PDE11A: variants seen among roughly 807,000 people sequenced by gnomAD.
The protein encoded by PDE11A is dual 3',5'-cyclic-AMP and -GMP phosphodiesterase 11A.
Under a neutral mutation model 100.5 loss-of-function variants are expected in PDE11A, and 100 were observed. That is an observed-to-expected ratio of 1.00 (90% CI 0.85 to 1.18). PDE11A has a LOEUF of 1.18. Ranked by LOEUF, PDE11A falls within the 50% of genes most tolerant of loss-of-function variation. PDE11A has a pLI of 0.00. For synonymous variants in PDE11A, 381 were observed against 420.8 expected, an observed-to-expected ratio of 0.91 and a Z score of 1.16; for missense variants, 1,141 against 1,152.6, an observed-to-expected ratio of 0.99 and a Z score of 0.15.
intron 1 of PDE11A, among the ~76,000 whole-genome samples, chr2:178,028,253 G>A (rs570071842): frequency 2.0e-5 from 3 of 146,686 alleles, no homozygotes; most frequent in South Asian, 2.2e-4. Context: ...GCAAAGTGCC[G>A]AGAGTACCTG....
At chr2:177,979,523 A>T (rs1432110869) in intron 2 of PDE11A, among the ~76,000 whole-genome samples, 1 of 149,574 alleles carries the variant, frequency 6.7e-6, no homozygotes, top group East Asian at 1.9e-4. Context: ...TTTTCCTGGT[A>T]TGCAGCGTCT....
chr2:177,922,107 T>G (rs2085058837), intron 2 of PDE11A: 1 of 152,228 alleles, frequency 6.6e-6, no homozygotes, highest in Non-Finnish European at 1.5e-5. Flanking sequence ...GAGGCTTGAT[T>G]CTGAGACTTC....
chr2:177,951,887 G>A (rs2085508948), intron 2 of PDE11A, among the ~76,000 whole-genome samples: 1 of 152,140 alleles, frequency 6.6e-6, no homozygotes, highest in Admixed American at 6.5e-5. Flanking sequence ...CATTCTTAGA[G>A]GATTGTTTAG....
intron 16 of PDE11A, among the ~76,000 whole-genome samples, chr2:177,680,478 C>G (rs1574037599): frequency 6.6e-6 from 1 of 152,146 alleles, no homozygotes; most frequent in Non-Finnish European, 1.5e-5. Flanking sequence ...TCCCCACTTC[C>G]TTTGTGCTAT....
chr2:177,841,687 T>G (rs1310828361), intron 5 of PDE11A, among the ~76,000 whole-genome samples: 2 of 152,244 alleles, frequency 1.3e-5, no homozygotes, highest in Admixed American at 6.5e-5. Flanking sequence ...AAATTCAGCA[T>G]GTATTTGTAA....
chr2:178,020,927 GTGTGTGTGTGTGTGTGTGT>G (rs1559044535), intron 1 of PDE11A, among the ~76,000 whole-genome samples: 1 of 19,292 alleles, frequency 5.2e-5, no homozygotes, highest in Non-Finnish European at 7.9e-5. Flanking sequence ...TTGTCTTGGT[GTGTGTGTGTGTGTGTGTGT>G]GTGTGTGTGT....
intron 2 of PDE11A, among the ~76,000 whole-genome samples, chr2:177,943,204 A>T (rs1325257230): frequency 6.6e-6 from 1 of 152,226 alleles, no homozygotes. Flanking sequence ...TATCTCTTCA[A>T]GACCCTGCAT....
At chr2:178,032,943 C>A (rs1333165875) in intron 1 of PDE11A, among the ~76,000 whole-genome samples, 2 of 152,092 alleles carry the variant, frequency 1.3e-5, no homozygotes, top group Admixed American at 1.3e-4. Context: ...GAGAAAAAAA[C>A]AGTGCAAAAA....
intron 6 of PDE11A, among the ~76,000 whole-genome samples, chr2:177,821,134 G>T (rs1044388539): frequency 6.6e-6 from 1 of 151,886 alleles, no homozygotes; most frequent in Non-Finnish European, 1.5e-5. Flanking sequence ...TTGAAGGCAA[G>T]AGCCACATAT....
chr2:177,629,583 A>T (rs757896926), intron 19 of PDE11A, 21 bp from the exon 20 acceptor site: 16 of 1,613,414 alleles, frequency 9.9e-6, no homozygotes, highest in Non-Finnish European at 1.4e-5. Context: ...ACAAAACAAA[A>T]CACAGGTGGA....
At chr2:177,738,898 G>A (rs571068916) in intron 10 of PDE11A, among the ~76,000 whole-genome samples, 3 of 152,348 alleles carry the variant, frequency 2.0e-5, no homozygotes, top group African/African-American at 4.8e-5. Flanking sequence ...ACCAGGGTTC[G>A]TAAACTAATA....
At chr2:177,759,645 A>T (rs1220833689) in intron 10 of PDE11A, among the ~76,000 whole-genome samples, 1 of 152,198 alleles carries the variant, frequency 6.6e-6, no homozygotes, top group Non-Finnish European at 1.5e-5. Flanking sequence ...TCAGACTGTA[A>T]GGAAGACAGG....
intron 10 of PDE11A, among the ~76,000 whole-genome samples, chr2:177,764,083 A>G (rs2082207413): frequency 6.6e-6 from 1 of 152,224 alleles, no homozygotes; most frequent in Non-Finnish European, 1.5e-5. Flanking sequence ...TAAGCCTAGT[A>G]AATCACATCC....
intron 12 of PDE11A, among the ~76,000 whole-genome samples, chr2:177,724,397 C>T (rs1359424027): frequency 6.6e-6 from 1 of 151,756 alleles, no homozygotes; most frequent in African/African-American, 2.4e-5. Context: ...TTGCAAAACA[C>T]AATGCTGAGT....
At chr2:177,931,630 C>T (rs1398627213) in intron 2 of PDE11A, among the ~76,000 whole-genome samples, 1 of 152,092 alleles carries the variant, frequency 6.6e-6, no homozygotes, top group African/African-American at 2.4e-5. Context: ...ATACCCAAAT[C>T]TCTGAGATGC....
intron 9 of PDE11A, among the ~76,000 whole-genome samples, chr2:177,796,007 T>C (rs907740656): frequency 2.1e-5 from 3 of 141,090 alleles, no homozygotes; most frequent in Admixed American, 7.3e-5. Context: ...ATGGGGCTTA[T>C]GATCTAGAGT....
intron 9 of PDE11A, among the ~76,000 whole-genome samples, chr2:177,810,228 T>C (rs1240209123): frequency 2.0e-5 from 3 of 152,212 alleles, no homozygotes; most frequent in Admixed American, 6.6e-5. Flanking sequence ...TCCAGAATGT[T>C]GTCATGGCAG....
chr2:177,931,444 A>G (rs774326786), intron 2 of PDE11A, among the ~76,000 whole-genome samples: 3 of 152,220 alleles, frequency 2.0e-5, no homozygotes, highest in African/African-American at 4.8e-5. Context: ...ATCATGAAAA[A>G]CCATACTCCT....
At chr2:177,642,024 CAGGTCTCTGACTCCAGAGCCCAA>C in intron 19 of PDE11A, among the ~76,000 whole-genome samples, 1 of 152,174 alleles carries the variant, frequency 6.6e-6, no homozygotes, top group Non-Finnish European at 1.5e-5. Context: ...GGTTTGGTCC[CAGGTCTCTGACTCCAGAGCCCAA>C]GTTAGTAACC....
Sources: gnomAD v4.1 joint callset for allele counts (sites outside exome capture counted in the v4.1 genomes callset) on GRCh38, gnomAD v4.1.1 for gene constraint, MANE v1.5 for transcripts, NCBI Gene and HGNC (gene_info 2026-07-23, HGNC 2026-07-21) for gene names.